The following MICAL2 variants were observed in gnomAD, a reference collection of about 807,000 sequenced individuals.
MICAL2 encodes microtubule associated monooxygenase, calponin and LIM domain containing 2, also known as [F-actin]-monooxygenase MICAL2.
A neutral mutation model predicts 127.3 loss-of-function variants in MICAL2; 77 were observed. That is an observed-to-expected ratio of 0.60 (90% confidence interval 0.50 to 0.73). The LOEUF (loss-of-function observed/expected upper bound fraction) is 0.73, where lower values mean the gene tolerates loss of function less well. Among genes scored for constraint, MICAL2 ranks in the 30% least tolerant of loss-of-function variants. The pLI is 0.00. For synonymous variants in MICAL2, 570 were observed against 551.1 expected (o/e 1.03, Z -0.48); for missense variants, 1,351 against 1,434.4 (o/e 0.94, Z 0.94).
chr11:12,190,187 G>C (rs868793123), intron 3 of MICAL2, among the ~76,000 whole-genome samples: 1 of 152,138 alleles, frequency 6.6e-6, no homozygotes, highest in Non-Finnish European at 1.5e-5. Context: ...ACATGTGTGA[G>C]TTGCTCTAAG....
downstream of MICAL2, among the ~76,000 whole-genome samples, chr11:12,296,257 T>C (rs939140473): frequency 6.6e-6 from 1 of 151,872 alleles, no homozygotes; most frequent in African/African-American, 2.4e-5. Flanking sequence ...TTTTCTTTTT[T>C]CCTAAAAAGC....
intron 2 of MICAL2, among the ~76,000 whole-genome samples, chr11:12,140,000 T>C (rs1852192862): frequency 6.6e-6 from 1 of 152,188 alleles, no homozygotes; most frequent in Admixed American, 6.5e-5. Context: ...CTCTTCTGTG[T>C]TTATTCTACC....
chr11:12,191,537 G>A (rs1859120645), intron 3 of MICAL2, among the ~76,000 whole-genome samples: 1 of 151,998 alleles, frequency 6.6e-6, no homozygotes, highest in South Asian at 2.1e-4. Flanking sequence ...GCCAAGGCAG[G>A]TGGATTGCTT....
chr11:12,172,928 G>A (rs1211710071), intron 3 of MICAL2, among the ~76,000 whole-genome samples: 1 of 152,076 alleles, frequency 6.6e-6, no homozygotes, highest in East Asian at 1.9e-4. Context: ...AGCTCTCCAT[G>A]TAACATGTAC....
chr11:12,129,046 G>A (rs1412880449), intron 1 of MICAL2, among the ~76,000 whole-genome samples: 4 of 152,142 alleles, frequency 2.6e-5, no homozygotes, highest in Non-Finnish European at 5.9e-5. Flanking sequence ...CCTCTCTGCA[G>A]GATCATTCTG....
In MICAL2 at chr11:12,239,416, T is replaced by C; in HGVS notation, c.2065-20T>C. 1 of 1,613,612 alleles carries C rather than the reference T, an allele frequency of 6.2e-7. No homozygotes were observed. The highest frequency in any genetic ancestry group is 8.5e-7 in the Non-Finnish European group (1 of 1,180,010). On this transcript the variant is annotated intron_variant, in intron 16 of 27. Coordinates refer to ENST00000683283, the MANE Select transcript of MICAL2 (RefSeq NM_001282663.2). ...AGATTCCAGGATCCAACCATCAGTGTCCCGTTTCAACCTTTGCAGCCTTCA... is the reference window on the plus strand; with the variant it reads ...AGATTCCAGGATCCAACCATCAGTGCCCCGTTTCAACCTTTGCAGCCTTCA...
chr11:12,129,380 T>C (rs1012056541), intron 1 of MICAL2, among the ~76,000 whole-genome samples: 1 of 152,254 alleles, frequency 6.6e-6, no homozygotes, highest in African/African-American at 2.4e-5. Context: ...TACTGGGTAC[T>C]GTCCCCATTG....
chr11:12,273,923 A>G (rs958798549), upstream of MICAL2, among the ~76,000 whole-genome samples: 8 of 152,126 alleles, frequency 5.3e-5, no homozygotes, highest in African/African-American at 1.7e-4. Flanking sequence ...AGGCACAGGC[A>G]GGATTATAGG....
chr11:12,158,582 TGTAA>T (rs1458248492), intron 2 of MICAL2, among the ~76,000 whole-genome samples: 2 of 152,202 alleles, frequency 1.3e-5, no homozygotes, highest in Admixed American at 1.3e-4. Flanking sequence ...AACAATGCAA[TGTAA>T]GTATTTACAT....
chr11:12,221,593 A>T, intron 9 of MICAL2, 51 bp from the exon 10 acceptor site: 1 of 1,298,998 alleles, frequency 7.7e-7, no homozygotes, highest in Non-Finnish European at 1.1e-6. Flanking sequence ...ATGAGATCAT[A>T]GATCGGGAGT....
In MICAL2 at chr11:12,206,376, T is replaced by C. The variant is rs139483651; in HGVS notation, c.473-1647T>C. On this transcript the variant is annotated intron_variant, in intron 4 of 27. Transcript: ENST00000683283. ...TGCCGGTGGGACTCTAGAAATAACA[T>C]TGAGACAGGCAGAATGATCATTGTC... Among the ~76,000 whole-genome samples the C allele has an allele frequency of 8.5e-5, 13 of 152,170 alleles. No individual in the cohort carries two copies. The East Asian group carries it at 2.3e-3, about 27-fold the overall frequency.
At chr11:12,348,323 T>G (rs1280609342) in intron 32 of MICAL2, among the ~76,000 whole-genome samples, 1 of 152,186 alleles carries the variant, frequency 6.6e-6, no homozygotes, top group Admixed American at 6.5e-5. Context: ...TTGTGTTTTT[T>G]GGAACTTTGT....
chr11:12,125,229 C>A (rs552989084), intron 1 of MICAL2, among the ~76,000 whole-genome samples: 1 of 152,232 alleles, frequency 6.6e-6, no homozygotes, highest in East Asian at 1.9e-4. Flanking sequence ...GAATATTTCT[C>A]TTTATTTCAT....
rs144033330 is a variant in MICAL2, at chr11:12,214,088, C to T, written c.847+678C>T. 2.3e-4 allele frequency among the ~76,000 whole-genome samples: 35 copies of T among 152,148 alleles called. No individual in the cohort carries two copies. The East Asian group carries it at 2.9e-3, about 13-fold the overall frequency. The stretch of plus-strand genomic sequence containing the variant: ...CCGTCCCTCCTGGGCTTATATTCTA[C>T]GAGAATAGACAGTCAATACACAAAT... On this transcript the variant is annotated intron_variant, in intron 7 of 27. Coordinates refer to ENST00000683283, the MANE Select transcript of MICAL2 (RefSeq NM_001282663.2).
chr11:12,303,935 G>A (rs1285538448), intron 29 of MICAL2: 1 of 152,122 alleles, frequency 6.6e-6, no homozygotes, highest in Non-Finnish European at 1.5e-5. Context: ...TACTCAGCAG[G>A]TGTGAGGATC....
rs541702665 is a variant in MICAL2, at chr11:12,307,474, T to C, written c.5213-12222T>C. Reference sequence around the variant, plus strand: ...ATTTTTTCTTTTATAATTTGAGTTATAGTTAAGATATCTTTGCTAAACTCG... The same window carrying C: ...ATTTTTTCTTTTATAATTTGAGTTACAGTTAAGATATCTTTGCTAAACTCG... On this transcript the variant is annotated intron_variant, in intron 29 of 34. Coordinates refer to the MICAL2 transcript ENST00000646065. Among the ~76,000 whole-genome samples, 27 of 152,366 alleles carry C rather than the reference T, an allele frequency of 1.8e-4. 1 individual carries two copies. In the South Asian group the frequency reaches 5.4e-3, roughly 30 times the overall value.
rs550823029 is a variant in MICAL2, at chr11:12,345,652, A to G, written c.5516-4186A>G. 5.9e-5 allele frequency among the ~76,000 whole-genome samples: 9 copies of G among 152,346 alleles called. No individual in the cohort carries two copies. In the South Asian group the frequency reaches 1.9e-3, roughly 32 times the overall value. On this transcript the variant is annotated intron_variant, in intron 32 of 34. Coordinates refer to the MICAL2 transcript ENST00000646065. ...AGTCTTGAATTGGGTTATGAAAAAG[A>G]TCAGTTGCACAAGTAAAAGATGAAG...
chr11:12,156,925 C>A (rs1464921080), intron 2 of MICAL2, among the ~76,000 whole-genome samples: 1 of 152,236 alleles, frequency 6.6e-6, no homozygotes, highest in Non-Finnish European at 1.5e-5. Flanking sequence ...GGAACCTGGG[C>A]CTTCCTCCAG....
intron 1 of MICAL2, among the ~76,000 whole-genome samples, chr11:12,135,028 C>T (rs1300079334): frequency 6.6e-6 from 1 of 152,106 alleles, no homozygotes; most frequent in Non-Finnish European, 1.5e-5. Context: ...CCTAAGAGGA[C>T]CAGGCCTTCC....
Sources: gnomAD v4.1 joint callset for allele counts (sites outside exome capture counted in the v4.1 genomes callset) on GRCh38, gnomAD v4.1.1 for gene constraint, MANE v1.5 for transcripts, NCBI Gene and HGNC (gene_info 2026-07-23, HGNC 2026-07-21) for gene names.